Variants in DNM2 observed in about 807,000 individuals in gnomAD.
DNM2 encodes dynamin 2.
DNM2 carries 15 observed loss-of-function variants against 99.0 expected under a neutral mutation model. That is an observed-to-expected ratio of 0.15 (90% CI 0.10 to 0.23). The LOEUF (loss-of-function observed/expected upper bound fraction) is 0.23. DNM2 is among the 10% of genes least tolerant of loss of function. The pLI is 1.00. For synonymous variants in DNM2, 525 were observed against 481.2 expected, an observed-to-expected ratio of 1.09 and a Z score of -1.19; for missense variants, 742 against 1,189.4, an observed-to-expected ratio of 0.62 and a Z score of 5.53.
intron 1 of DNM2, among the ~76,000 whole-genome samples, chr19:10,734,816 C>T (rs998445905): frequency 4.0e-5 from 6 of 149,006 alleles, no homozygotes; most frequent in African/African-American, 1.5e-4. Context: ...CTTTTCCTGT[C>T]TTAGGACTGG....
chr19:10,773,591 G>A (rs2145915875), intron 3 of DNM2, among the ~76,000 whole-genome samples: 1 of 151,852 alleles, frequency 6.6e-6, no homozygotes, highest in African/African-American at 2.4e-5. Context: ...TGGGATTACA[G>A]GTGTGTACCA....
chr19:10,726,760 A>G (rs2069129341), intron 1 of DNM2, among the ~76,000 whole-genome samples: 2 of 152,134 alleles, frequency 1.3e-5, no homozygotes, highest in South Asian at 4.1e-4. Flanking sequence ...GCTATTCGGG[A>G]GGCTGAGGCG....
At chr19:10,785,278 C>T (rs567957881) in intron 6 of DNM2, among the ~76,000 whole-genome samples, 28 of 151,752 alleles carry the variant, frequency 1.8e-4, no homozygotes, top group Admixed American at 8.5e-4. Context: ...TCACCACACC[C>T]GGCTAATTTT....
In DNM2 at chr19:10,812,838, C is replaced by T. The variant is rs1354077566; in HGVS notation, c.1671+461C>T. Among the ~76,000 whole-genome samples the T allele has an allele frequency of 6.6e-6, 1 of 152,180 alleles. No individual in the cohort carries two copies. Among genetic ancestry groups the T allele is most frequent in the African/African-American group, 2.4e-5 (1 of 41,434 alleles). On this transcript the variant is annotated intron_variant, in intron 15 of 20. Transcript: ENST00000389253. This position sits in a 1 kb window ranked among gnomAD's most constrained non-coding sequence, Gnocchi z 4.0. ...ACAACCGTAACCCAGGGCTGGAGAG[C>T]AGCCACCATGTGCCAAAAGGCTTAC...
Position 10,812,078 on chromosome 19 carries a change from G to A in DNM2, c.1558-186G>A, listed in dbSNP as rs543729991. On this transcript the variant is annotated intron_variant, in intron 14 of 20. Transcript: ENST00000389253. This position sits in a 1 kb window ranked among gnomAD's most constrained non-coding sequence, Gnocchi z 4.0. ...CTGTCCGCCCACCTGCCCAGGTGGC[G>A]CCTCATGTTGGTTTCCTGCTGGAAA... is the stretch of plus-strand genomic sequence containing the variant. 5.8e-5 allele frequency: 33 copies of A among 567,260 alleles called. 1 individual carries two copies. Among genetic ancestry groups the A allele is most frequent in the South Asian group, 3.5e-4 (23 of 65,588 alleles). The allele number at this position is 567,260 out of a possible 1,614,324, so 35.1% of individuals were successfully genotyped here.
rs549353626 is a variant in DNM2, at chr19:10,804,656, C to T, written c.1494-1260C>T. 4.9e-4 allele frequency among the ~76,000 whole-genome samples: 74 copies of T among 152,188 alleles called. No individual in the cohort carries two copies. The Middle Eastern group carries it at 0.01, about 21-fold the overall frequency. ...TGAGCCATGATCACACCAGGGCTCT[C>T]CAGCCTGGGTGACAGAGTGAGACTC... On this transcript the variant is annotated intron_variant, in intron 12 of 20. Coordinates refer to ENST00000389253, the MANE Select transcript of DNM2 (RefSeq NM_001005361.3).
At position 10,831,458 on chromosome 19, in the gene DNM2, G is replaced by C. The variant is rs1337684404; in HGVS notation, c.*411G>C. ...GCCTACATCCCCAGGCCTTGCTGGG[G>C]TGCAGGGGTATATCAACTTCCCATT... On this transcript the variant is annotated 3_prime_UTR_variant, in exon 21 of 21. Coordinates refer to ENST00000389253, the MANE Select transcript of DNM2 (RefSeq NM_001005361.3). The surrounding 1 kb of genome is among the most constrained non-coding windows in gnomAD (Gnocchi z 4.3). 1.0e-6 allele frequency: 1 copy of C among 1,000,350 alleles called. No homozygotes were observed. The allele number at this position is 1,000,350 out of a possible 1,614,324, so 62.0% of individuals were successfully genotyped here.
chr19:10,826,487 G>A (rs2073147191), intron 18 of DNM2, among the ~76,000 whole-genome samples: 1 of 152,220 alleles, frequency 6.6e-6, no homozygotes, highest in Non-Finnish European at 1.5e-5. Context: ...CCTCTTCAGT[G>A]AAATGCAGCT....
chr19:10,831,322 T>G lies in DNM2; in HGVS notation c.*275T>G. On this transcript the variant is annotated 3_prime_UTR_variant, in exon 21 of 21. Coordinates refer to ENST00000389253, the MANE Select transcript of DNM2 (RefSeq NM_001005361.3). This position sits in a 1 kb window ranked among gnomAD's most constrained non-coding sequence, Gnocchi z 4.3. ...GGTGGCAGAGGGGGGACCAGAACCC[T>G]TGACACCATCCTGAATGAGGGGTCC... 1 of 1,236,584 alleles carries G rather than the reference T, an allele frequency of 8.1e-7. No individual in the cohort carries two copies. Among genetic ancestry groups the G allele is most frequent in the Non-Finnish European group, 1.0e-6 (1 of 987,686 alleles). The allele number at this position is 1,236,584 out of a possible 1,614,324, so 76.6% of individuals were successfully genotyped here. A position where few individuals can be genotyped will look rare whatever the true frequency, so the allele number is the denominator to read the frequency against.
Position 10,830,669 on chromosome 19 carries a change from G to A in DNM2, c.2543+291G>A, listed in dbSNP as rs1014902541. 1.9e-5 allele frequency: 11 copies of A among 582,552 alleles called. No homozygotes were observed. Among genetic ancestry groups the A allele is most frequent in the African/African-American group, 1.1e-4 (6 of 53,436 alleles). 36.1% of individuals were successfully genotyped at this position (582,552 alleles called of 1,614,324 possible). ...CTCACACTGGGCACCTCCTCCCACT[G>A]TTTACCTTCTTCTCCTTCCTGCTCC... On this transcript the variant is annotated intron_variant, in intron 20 of 20. Transcript: ENST00000389253. This position sits in a 1 kb window ranked among gnomAD's most constrained non-coding sequence, Gnocchi z 4.8.
At chr19:10,800,240 C>A (rs2072089326) in intron 11 of DNM2, among the ~76,000 whole-genome samples, 2 of 152,172 alleles carry the variant, frequency 1.3e-5, no homozygotes. Flanking sequence ...TAAGCCCTTG[C>A]TTGCTATGTC....
chr19:10,793,007 T>G (rs1254821930), intron 7 of DNM2, among the ~76,000 whole-genome samples: 2 of 152,126 alleles, frequency 1.3e-5, no homozygotes, highest in Non-Finnish European at 2.9e-5. Context: ...CATCCTAAAG[T>G]GCTAATATTG....
Position 10,762,797 on chromosome 19 carries a change from G to C in DNM2, c.235+2986G>C, listed in dbSNP as rs201252093. Among the ~76,000 whole-genome samples the C allele has an allele frequency of 9.9e-5, 15 of 152,274 alleles. No individual in the cohort carries two copies. In the East Asian group the frequency reaches 2.7e-3, roughly 27 times the overall value. ...CTTAGGCCAAGGTGTGACTTGACCA[G>C]ATCCTGTGGCTGTTGGTGGAAAAGG... On this transcript the variant is annotated intron_variant, in intron 2 of 20. Transcript: ENST00000389253.
intron 2 of DNM2, among the ~76,000 whole-genome samples, chr19:10,762,608 G>A (rs147062993): frequency 5.9e-5 from 9 of 152,316 alleles, no homozygotes; most frequent in South Asian, 2.1e-4. Flanking sequence ...AGCACAGAGC[G>A]CAGGCCTACC....
chr19:10,758,514 C>T (rs1218001123), intron 1 of DNM2, among the ~76,000 whole-genome samples: 3 of 114,540 alleles, frequency 2.6e-5, no homozygotes, highest in Non-Finnish European at 3.6e-5. Flanking sequence ...CCCTTTCCTC[C>T]CTTTCCTCCC....
rs537109851 is a variant in DNM2, at chr19:10,734,721, A to T, written c.161+16318A>T. ...TCCCATATGAGACTAATTTAAAAAA[A>T]AATTTTTTTTTTTTATCGAGATGGG... On this transcript the variant is annotated intron_variant, in intron 1 of 20. Transcript: ENST00000389253. Among the ~76,000 whole-genome samples, 215 of 151,158 alleles carry T rather than the reference A, an allele frequency of 1.4e-3. 2 individuals are homozygous for T. Among genetic ancestry groups the T allele is most frequent in the East Asian group, 0.011 (55 of 5,150 alleles).
Position 10,818,508 on chromosome 19 carries a change from G to A in DNM2, c.1672-1472G>A, listed in dbSNP as rs574762958. On this transcript the variant is annotated intron_variant, in intron 15 of 20. Coordinates refer to ENST00000389253, the MANE Select transcript of DNM2 (RefSeq NM_001005361.3). The surrounding 1 kb of genome is among the most constrained non-coding windows in gnomAD (Gnocchi z 4.3). ...GAGGGCACACGGCCAGGAAAGGGCA[G>A]GGCTGGCATCACCTCAACCATGCTG... Among the ~76,000 whole-genome samples the A allele has an allele frequency of 1.3e-5, 2 of 152,350 alleles. No individual in the cohort carries two copies. Among genetic ancestry groups the A allele is most frequent in the East Asian group, 3.9e-4 (2 of 5,168 alleles).
chr19:10,830,237 C>T lies in DNM2; in HGVS notation c.2402C>T (p.Ala801Val), dbSNP rs2073291036. Residue 801 changes from alanine (A) to valine (V), a missense_variant, in exon 20 of 21, where the codon GCA (alanine) becomes GTA (valine). Physicochemically the swap from Ala to Val is moderately conservative, Grantham distance 64. Coordinates refer to ENST00000389253, the MANE Select transcript of DNM2 (RefSeq NM_001005361.3). The surrounding 1 kb of genome is among the most constrained non-coding windows in gnomAD (Gnocchi z 4.8). ...PPLIPVPVGA[A>V]ASFSAPPIPS... ...CTGATTCCTGTTCCCGTGGGGGCAGCAGCCTCCTTCTCGGCGCCCCCAATC... is the reference window on the plus strand; with the variant it reads ...CTGATTCCTGTTCCCGTGGGGGCAGTAGCCTCCTTCTCGGCGCCCCCAATC... 1.2e-6 allele frequency: 2 copies of T among 1,614,004 alleles called. No homozygotes were observed. Among genetic ancestry groups the T allele is most frequent in the East Asian group, 4.5e-5 (2 of 44,868 alleles).
At chr19:10,774,213 G>A (rs1323098428) in intron 3 of DNM2, among the ~76,000 whole-genome samples, 2 of 152,202 alleles carry the variant, frequency 1.3e-5, no homozygotes, top group Non-Finnish European at 2.9e-5. Flanking sequence ...GCTGAGTCAG[G>A]AGGGTCACTT....
Sources: allele counts gnomAD v4.1 joint callset (sites outside exome capture counted in the v4.1 genomes callset), GRCh38; gene constraint gnomAD v4.1.1; non-coding constraint Gnocchi (gnomAD v3.1); transcripts MANE v1.5; gene names NCBI Gene and HGNC (gene_info 2026-07-23, HGNC 2026-07-21).